The following BCAS3 variants were observed in gnomAD, a reference collection of about 807,000 sequenced individuals.
BCAS3 encodes BCAS4/BCAS3 fusion.
Under a neutral mutation model 116.1 loss-of-function variants are expected in BCAS3, and 53 were observed. That is an observed-to-expected ratio of 0.46 (90% CI 0.37 to 0.57). The LOEUF is 0.57. Among genes scored for constraint, BCAS3 ranks in the 20% least tolerant of loss-of-function variants. BCAS3 has a pLI of 0.00. For missense variants in BCAS3, 917 were observed against 1,165.4 expected, an observed-to-expected ratio of 0.79 and a Z score of 3.10; for synonymous variants, 391 against 408.2, an observed-to-expected ratio of 0.96 and a Z score of 0.51.
At chr17:60,771,079 G>C (rs1598599994) in intron 6 of BCAS3, among the ~76,000 whole-genome samples, 1 of 151,782 alleles carries the variant, frequency 6.6e-6, no homozygotes, top group African/African-American at 2.4e-5. Flanking sequence ...AAGTGCTGGG[G>C]TTACAGCGGT....
At chr17:60,972,624 A>C (rs1009530472) in intron 14 of BCAS3, among the ~76,000 whole-genome samples, 1 of 151,678 alleles carries the variant, frequency 6.6e-6, no homozygotes, top group East Asian at 1.9e-4. Flanking sequence ...GCTAATTTTT[A>C]TAAAAATTTT....
chr17:60,902,197 T>C (rs2057942848), intron 10 of BCAS3, among the ~76,000 whole-genome samples: 1 of 152,234 alleles, frequency 6.6e-6, no homozygotes, highest in East Asian at 1.9e-4. Flanking sequence ...CTACTTTTTA[T>C]GTTTTCTTTT....
At chr17:60,757,018 C>T (rs2043046643) in intron 6 of BCAS3, among the ~76,000 whole-genome samples, 1 of 152,084 alleles carries the variant, frequency 6.6e-6, no homozygotes, top group Admixed American at 6.5e-5. Flanking sequence ...CAAAAATTAG[C>T]TGGGCGTGTT....
chr17:60,900,420 T>G (rs2057809788), intron 10 of BCAS3, among the ~76,000 whole-genome samples: 3 of 152,084 alleles, frequency 2.0e-5, no homozygotes, highest in Admixed American at 1.3e-4. Context: ...GCTGGAATTC[T>G]CTTACTTACC....
At chr17:61,187,896 A>C (rs1281104199) in intron 22 of BCAS3, among the ~76,000 whole-genome samples, 2 of 151,940 alleles carry the variant, frequency 1.3e-5, no homozygotes, top group African/African-American at 2.4e-5. Flanking sequence ...ATCTTGCCCA[A>C]TTTTAGAAGA....
intron 19 of BCAS3, among the ~76,000 whole-genome samples, chr17:61,069,070 G>A (rs1163269976): frequency 6.6e-6 from 1 of 152,012 alleles, no homozygotes; most frequent in African/African-American, 2.4e-5. Flanking sequence ...TAAAGCCAAA[G>A]ACACAAATAA....
chr17:60,726,038 GGC>G (rs2039804674), intron 5 of BCAS3, among the ~76,000 whole-genome samples: 1 of 151,522 alleles, frequency 6.6e-6, no homozygotes, highest in African/African-American at 2.4e-5. Flanking sequence ...TGGGATTACA[GGC>G]ATGCACCACC....
intron 4 of BCAS3, among the ~76,000 whole-genome samples, chr17:60,698,202 A>AAAAG (rs1222805715): frequency 6.6e-6 from 1 of 151,732 alleles, no homozygotes; most frequent in African/African-American, 2.4e-5. Flanking sequence ...AAAAAAAAAA[A>AAAAG]AAAGAGCAGC....
intron 6 of BCAS3, among the ~76,000 whole-genome samples, chr17:60,750,868 A>G (rs1410001278): frequency 6.6e-6 from 1 of 152,186 alleles, no homozygotes; most frequent in African/African-American, 2.4e-5. Context: ...ATCCACTGTC[A>G]GTAGTGCATG....
In BCAS3 at chr17:61,390,102, C is replaced by T. The variant is rs561659239; in HGVS notation, c.2594-1875C>T. 2 of 152,354 alleles carry T rather than the reference C, an allele frequency of 1.3e-5. No homozygotes were observed. The highest frequency in any genetic ancestry group is 4.8e-5 in the African/African-American group (2 of 41,476). 9.4% of individuals were successfully genotyped at this position (152,354 alleles called of 1,614,324 possible). ...CTGCCGGTGCTCTTCTCCCGCCCGC[C>T]TGGCCCTGCTGTCAGCGCCCCCTAG... On this transcript the variant is annotated intron_variant, in intron 23 of 23. Coordinates refer to ENST00000407086, the MANE Select transcript of BCAS3 (RefSeq NM_017679.5). This position sits in a 1 kb window ranked among gnomAD's most constrained non-coding sequence, Gnocchi z 6.8.
At chr17:60,980,285 C>A (rs913177912) in intron 14 of BCAS3, among the ~76,000 whole-genome samples, 5 of 152,186 alleles carry the variant, frequency 3.3e-5, no homozygotes, top group Admixed American at 3.3e-4. Context: ...TTCTACACAT[C>A]CTCACCAAAA....
chr17:61,273,530 G>C (rs1157816617), intron 22 of BCAS3, among the ~76,000 whole-genome samples: 1 of 152,010 alleles, frequency 6.6e-6, no homozygotes, highest in African/African-American at 2.4e-5. Context: ...ATGATGATGT[G>C]CTCTGGATTG....
At chr17:60,817,244 A>G (rs1004409818) in intron 7 of BCAS3, among the ~76,000 whole-genome samples, 3 of 152,224 alleles carry the variant, frequency 2.0e-5, no homozygotes, top group African/African-American at 7.2e-5. Context: ...GCTCTTGGAA[A>G]GGGATAATGT....
chr17:61,385,547 A>G (rs2059804823), intron 23 of BCAS3, among the ~76,000 whole-genome samples: 1 of 152,172 alleles, frequency 6.6e-6, no homozygotes, highest in African/African-American at 2.4e-5. Flanking sequence ...CTCCCCTACT[A>G]CGTACCTCAC....
At chr17:60,871,966 T>C (rs2055145208) in intron 8 of BCAS3, among the ~76,000 whole-genome samples, 1 of 152,110 alleles carries the variant, frequency 6.6e-6, no homozygotes, top group Non-Finnish European at 1.5e-5. Context: ...GTTTCTGTCA[T>C]TGGGTTAACA....
At chr17:60,877,280 GA>G (rs1202166869) in intron 9 of BCAS3, among the ~76,000 whole-genome samples, 1 of 152,078 alleles carries the variant, frequency 6.6e-6, no homozygotes, top group African/African-American at 2.4e-5. Flanking sequence ...TTTTGGAAAG[GA>G]TGAGTTTGTT....
chr17:60,766,702 T>C (rs1420754888), intron 6 of BCAS3, among the ~76,000 whole-genome samples: 2 of 152,180 alleles, frequency 1.3e-5, no homozygotes, highest in Admixed American at 1.3e-4. Flanking sequence ...TCAAACACCA[T>C]GCTGTGAGAA....
At chr17:60,771,489 G>A (rs577629028) in intron 6 of BCAS3, among the ~76,000 whole-genome samples, 5 of 152,010 alleles carry the variant, frequency 3.3e-5, no homozygotes, top group Admixed American at 6.5e-5. Flanking sequence ...AGAAACGTTG[G>A]TTCCCTTTCA....
chr17:61,294,673 T>A (rs12948356), intron 22 of BCAS3, among the ~76,000 whole-genome samples: 1 of 151,992 alleles, frequency 6.6e-6, no homozygotes, highest in Non-Finnish European at 1.5e-5. Flanking sequence ...ACTCTTCTGT[T>A]TCATCTCTTC....
Sources: gnomAD v4.1 joint callset for allele counts (sites outside exome capture counted in the v4.1 genomes callset) on GRCh38, gnomAD v4.1.1 for gene constraint, Gnocchi (gnomAD v3.1) non-coding constraint, MANE v1.5 for transcripts, NCBI Gene and HGNC (gene_info 2026-07-23, HGNC 2026-07-21) for gene names.